Variants in SLIT3 observed in about 807,000 individuals in gnomAD.
SLIT3 encodes slit homolog 3 protein.
A neutral mutation model predicts 184.0 loss-of-function variants in SLIT3; 68 were observed. The ratio of observed to expected loss-of-function variants is 0.37; its 90% CI spans 0.30 to 0.45. The LOEUF (loss-of-function observed/expected upper bound fraction) is 0.45. SLIT3 is among the 20% of genes least tolerant of loss of function. SLIT3 has a pLI of 1.00. For synonymous variants in SLIT3, 831 were observed against 828.6 expected (o/e 1.00, Z -0.05); for missense variants, 1,707 against 2,026.0 (o/e 0.84, Z 3.02).
chr5:168,843,261 C>G (rs765026884), intron 6 of SLIT3, among the ~76,000 whole-genome samples: 1 of 152,204 alleles, frequency 6.6e-6, no homozygotes. Context: ...CTCTCCAACC[C>G]GTTGCTAGTA....
At chr5:168,824,200 A>G (rs1757628373) in intron 6 of SLIT3, among the ~76,000 whole-genome samples, 1 of 152,216 alleles carries the variant, frequency 6.6e-6, no homozygotes, top group Non-Finnish European at 1.5e-5. Flanking sequence ...TGGCCTCCCA[A>G]AGTGCTGGGA....
chr5:168,723,104 T>TACCCAGCC (rs1554135487), intron 21 of SLIT3, 100 bp from the exon 22 acceptor site: 17 of 801,478 alleles, frequency 2.1e-5, no homozygotes, highest in Non-Finnish European at 3.1e-5. Flanking sequence ...CCCACTCATC[T>TACCCAGCC]ACCCATCCAC....
intron 9 of SLIT3, 55 bp from the exon 10 acceptor site, chr5:168,795,633 C>A: frequency 1.5e-6 from 2 of 1,353,690 alleles, no homozygotes; most frequent in South Asian, 2.3e-5. Context: ...AACAAGTGGT[C>A]ACTGAGGGCT....
chr5:168,984,885 C>T (rs1184248728), intron 4 of SLIT3, among the ~76,000 whole-genome samples: 1 of 152,182 alleles, frequency 6.6e-6, no homozygotes, highest in Non-Finnish European at 1.5e-5. Flanking sequence ...CATTCTGAAT[C>T]AGGAGGTCTA....
At chr5:169,041,177 T>C (rs1757435383) in intron 4 of SLIT3, among the ~76,000 whole-genome samples, 1 of 152,218 alleles carries the variant, frequency 6.6e-6, no homozygotes, top group African/African-American at 2.4e-5. Flanking sequence ...TCAGTAACAC[T>C]TCTTTTGAGA....
At chr5:168,818,687 C>A (rs188090643) in intron 7 of SLIT3, among the ~76,000 whole-genome samples, 12 of 152,338 alleles carry the variant, frequency 7.9e-5, no homozygotes, top group African/African-American at 2.4e-4. Context: ...TGTGGAGAGG[C>A]TCAAGCCCCC....
intron 27 of SLIT3, among the ~76,000 whole-genome samples, chr5:168,698,173 G>A (rs1227463438): frequency 6.6e-6 from 1 of 152,224 alleles, no homozygotes; most frequent in Non-Finnish European, 1.5e-5. Flanking sequence ...TGTGTATGAA[G>A]AGGCTGGTGA....
At chr5:169,279,123 G>A (rs957858065) in intron 1 of SLIT3, among the ~76,000 whole-genome samples, 5 of 152,144 alleles carry the variant, frequency 3.3e-5, no homozygotes, top group Non-Finnish European at 5.9e-5. Context: ...TTACACTGAA[G>A]CATATTGAAA....
chr5:168,782,403 C>G (rs577712430), intron 12 of SLIT3, among the ~76,000 whole-genome samples: 1 of 152,326 alleles, frequency 6.6e-6, no homozygotes, highest in East Asian at 1.9e-4. Flanking sequence ...TGCAGCTGTC[C>G]ATCAGCGGAG....
intron 3 of SLIT3, among the ~76,000 whole-genome samples, chr5:169,209,867 G>T (rs921732690): frequency 2.0e-5 from 3 of 152,098 alleles, no homozygotes; most frequent in African/African-American, 7.2e-5. Flanking sequence ...ACGGGGTGCA[G>T]CAAACCACTA....
intron 5 of SLIT3, among the ~76,000 whole-genome samples, chr5:168,865,695 T>C (rs1221849455): frequency 6.6e-6 from 1 of 152,190 alleles, no homozygotes; most frequent in African/African-American, 2.4e-5. Context: ...TTTAGGTAGA[T>C]TAAATCTCAA....
At chr5:168,881,129 T>C (rs768892838) in intron 5 of SLIT3, among the ~76,000 whole-genome samples, 2 of 152,194 alleles carry the variant, frequency 1.3e-5, no homozygotes, top group East Asian at 3.8e-4. Flanking sequence ...CAGCTGCTAG[T>C]AGTGAGTATA....
At chr5:169,021,731 G>A (rs1756606553) in intron 4 of SLIT3, among the ~76,000 whole-genome samples, 1 of 152,156 alleles carries the variant, frequency 6.6e-6, no homozygotes, top group African/African-American at 2.4e-5. Flanking sequence ...AGGCAGACCA[G>A]ATATAATTCA....
intron 4 of SLIT3, among the ~76,000 whole-genome samples, chr5:168,903,217 C>T (rs1421321501): frequency 6.6e-6 from 1 of 152,152 alleles, no homozygotes; most frequent in Non-Finnish European, 1.5e-5. Context: ...GCCTCTTCCT[C>T]GTTCAGTTCT....
intron 4 of SLIT3, among the ~76,000 whole-genome samples, chr5:169,039,985 T>A (rs1757392903): frequency 6.6e-6 from 1 of 152,258 alleles, no homozygotes. Context: ...ATTTAGTGTA[T>A]AGCAGCAACC....
At chr5:168,949,664 A>G (rs535925357) in intron 4 of SLIT3, among the ~76,000 whole-genome samples, 6 of 152,246 alleles carry the variant, frequency 3.9e-5, no homozygotes, top group Admixed American at 3.9e-4. Flanking sequence ...ATGGCGCGAG[A>G]TTACGGCTCA....
intron 25 of SLIT3, among the ~76,000 whole-genome samples, chr5:168,709,841 T>C (rs1238699125): frequency 6.6e-6 from 1 of 152,114 alleles, no homozygotes; most frequent in East Asian, 1.9e-4. Flanking sequence ...GTTTTTTTTT[T>C]TTAACCTATT....
chr5:169,222,467 G>T (rs1313795513), intron 3 of SLIT3, among the ~76,000 whole-genome samples: 1 of 152,092 alleles, frequency 6.6e-6, no homozygotes, highest in African/African-American at 2.4e-5. Context: ...TATCAATTTG[G>T]TGATTATTGA....
At chr5:169,140,768 C>A (rs1385003437) in intron 4 of SLIT3, among the ~76,000 whole-genome samples, 3 of 152,150 alleles carry the variant, frequency 2.0e-5, no homozygotes, top group Non-Finnish European at 4.4e-5. Context: ...CCGTCGCATT[C>A]CAATGTGGGT....
Sources: allele counts gnomAD v4.1 joint callset (sites outside exome capture counted in the v4.1 genomes callset), GRCh38; gene constraint gnomAD v4.1.1; transcripts MANE v1.5; gene names NCBI Gene and HGNC (gene_info 2026-07-23, HGNC 2026-07-21).